The following RAB27B variants were observed in gnomAD, a reference collection of about 807,000 sequenced individuals.
RAB27B encodes the protein RAB27B, member RAS oncogene family.
In RAB27B, 15 loss-of-function variants were observed where a neutral mutation model predicts 24.6. That is an observed-to-expected ratio of 0.61 (90% CI 0.41 to 0.94). RAB27B has a LOEUF of 0.94. RAB27B is among the 40% of genes least tolerant of loss of function. The pLI is 0.00. For synonymous variants in RAB27B, 105 were observed against 92.5 expected, an observed-to-expected ratio of 1.14 and a Z score of -0.78; for missense variants, 261 against 266.8, an observed-to-expected ratio of 0.98 and a Z score of 0.15.
At chr18:54,751,053 G>C (rs1907814456) in intron 2 of RAB27B, among the ~76,000 whole-genome samples, 1 of 152,188 alleles carries the variant, frequency 6.6e-6, no homozygotes, top group Non-Finnish European at 1.5e-5. Context: ...TGAAGAGAAA[G>C]GACTTTATCC....
At chr18:54,733,650 G>GCT (rs777476661) in intron 2 of RAB27B, among the ~76,000 whole-genome samples, 969 of 92,298 alleles carry the variant, frequency 0.01, 56 homozygotes, top group Middle Eastern at 0.062. Context: ...CTGTTCTAGA[G>GCT]CCCCCCCCCC....
In RAB27B at chr18:54,860,776, G is replaced by A. The variant is rs568137836; in HGVS notation, c.-19-16791G>A. On this transcript the variant is annotated intron_variant, in intron 1 of 5. Transcript: ENST00000262094. ...AAGTCAGAGATTTTTATTTCTATAGGCATCTATGTAGGGTAGAAAGAGCCT... is the reference window on the plus strand; with the variant it reads ...AAGTCAGAGATTTTTATTTCTATAGACATCTATGTAGGGTAGAAAGAGCCT... Among the ~76,000 whole-genome samples, 3 of 152,304 alleles carry A rather than the reference G, an allele frequency of 2.0e-5. No homozygotes were observed. The South Asian group carries it at 6.2e-4, about 32-fold the overall frequency.
At chr18:54,805,783 T>G (rs1320599678) in intron 2 of RAB27B, among the ~76,000 whole-genome samples, 2 of 152,214 alleles carry the variant, frequency 1.3e-5, no homozygotes, top group Non-Finnish European at 2.9e-5. Flanking sequence ...GAAACTTAAG[T>G]TCCTACTTTG....
intron 2 of RAB27B, among the ~76,000 whole-genome samples, chr18:54,745,818 A>T (rs1051195139): frequency 6.8e-5 from 10 of 145,992 alleles, no homozygotes; most frequent in African/African-American, 1.3e-4. Flanking sequence ...TAAATATTAA[A>T]TATTTATATT....
intron 2 of RAB27B, among the ~76,000 whole-genome samples, chr18:54,735,390 A>G (rs1357926375): frequency 6.6e-6 from 1 of 152,190 alleles, no homozygotes; most frequent in Non-Finnish European, 1.5e-5. Flanking sequence ...TTCTGAGGCT[A>G]CCACACTGTA....
intron 1 of RAB27B, among the ~76,000 whole-genome samples, chr18:54,867,988 C>T (rs1197459958): frequency 6.6e-6 from 1 of 152,154 alleles, no homozygotes; most frequent in Non-Finnish European, 1.5e-5. Context: ...CCATCCAAAT[C>T]TCATGTTGAA....
intron 1 of RAB27B, among the ~76,000 whole-genome samples, chr18:54,833,950 G>C (rs1051569079): frequency 6.6e-6 from 1 of 152,182 alleles, no homozygotes; most frequent in African/African-American, 2.4e-5. Context: ...TGAAGATCAG[G>C]AAGTGCAGCA....
chr18:54,783,434 A>T (rs1908978656), intron 2 of RAB27B, among the ~76,000 whole-genome samples: 1 of 152,076 alleles, frequency 6.6e-6, no homozygotes, highest in African/African-American at 2.4e-5. Flanking sequence ...CTTAATTAGT[A>T]AATATTTTGC....
chr18:54,823,408 A>G (rs748085638), intron 2 of RAB27B, among the ~76,000 whole-genome samples: 1 of 145,490 alleles, frequency 6.9e-6, no homozygotes, highest in Non-Finnish European at 1.5e-5. Context: ...CTCGGATCTC[A>G]TCAGTGAGGG....
intron 2 of RAB27B, among the ~76,000 whole-genome samples, chr18:54,819,152 AATT>A (rs1910213202): frequency 6.8e-6 from 1 of 148,004 alleles, no homozygotes; most frequent in African/African-American, 2.5e-5. Flanking sequence ...TATTATAAAT[AATT>A]ATATATTAAC....
intron 1 of RAB27B, among the ~76,000 whole-genome samples, chr18:54,850,224 T>G (rs1443114843): frequency 2.0e-5 from 3 of 151,266 alleles, no homozygotes; most frequent in Non-Finnish European, 4.4e-5. Flanking sequence ...AATTTTATTC[T>G]AAATATAATT....
upstream of RAB27B, among the ~76,000 whole-genome samples, chr18:54,826,702 A>G (rs1295256525): frequency 6.6e-6 from 1 of 152,252 alleles, no homozygotes; most frequent in African/African-American, 2.4e-5. Context: ...AGTACAACAC[A>G]GTGACCACTG....
intron 1 of RAB27B, among the ~76,000 whole-genome samples, chr18:54,847,329 T>C (rs922555158): frequency 1.3e-5 from 2 of 152,194 alleles, no homozygotes; most frequent in African/African-American, 4.8e-5. Flanking sequence ...AGTTCTCTGG[T>C]AAACTGGAAG....
At position 54,850,333 on chromosome 18, in the gene RAB27B, GATATATATAT is replaced by G. The variant is rs35735191; in HGVS notation, c.-20+21651_-20+21660del. Among the ~76,000 whole-genome samples the G allele has an allele frequency of 1.4e-3, 130 of 95,172 alleles. 13 individuals are homozygous for G. In the South Asian group the frequency reaches 0.047, roughly 34 times the overall value. 62.4% of individuals were successfully genotyped at this position (95,172 alleles called of 152,430 possible). On this transcript the variant is annotated intron_variant, in intron 1 of 5. Coordinates refer to ENST00000262094, the MANE Select transcript of RAB27B (RefSeq NM_004163.4). ...TATTTATTTAAAAGCAAACAAACAG[GATATATATAT>G]ATATATATATATATATACATACATA...
chr18:54,783,856 G>C, intron 2 of RAB27B, among the ~76,000 whole-genome samples: 1 of 152,118 alleles, frequency 6.6e-6, no homozygotes, highest in East Asian at 1.9e-4. Context: ...CCTCAAGAGA[G>C]CAGCCAGACT....
chr18:54,787,193 T>C (rs1385699489), intron 2 of RAB27B, among the ~76,000 whole-genome samples: 4 of 152,220 alleles, frequency 2.6e-5, no homozygotes, highest in African/African-American at 9.6e-5. Flanking sequence ...GTTTCTTGCC[T>C]TGTAGAGGTA....
At chr18:54,733,650 G>GGC (rs1909794792) in intron 2 of RAB27B, among the ~76,000 whole-genome samples, 4 of 92,298 alleles carry the variant, frequency 4.3e-5, no homozygotes, top group Non-Finnish European at 4.5e-5. Flanking sequence ...CTGTTCTAGA[G>GGC]CCCCCCCCCC....
chr18:54,733,422 T>C (rs1365034999), intron 2 of RAB27B, among the ~76,000 whole-genome samples: 1 of 152,152 alleles, frequency 6.6e-6, no homozygotes, highest in Non-Finnish European at 1.5e-5. Flanking sequence ...TAATTAATCA[T>C]ACAGTTCTTA....
At chr18:54,775,459 A>G (rs942790534) in intron 2 of RAB27B, among the ~76,000 whole-genome samples, 5 of 152,184 alleles carry the variant, frequency 3.3e-5, no homozygotes, top group African/African-American at 1.2e-4. Context: ...CTGCTGCCTC[A>G]GGCTACAAAC....
Sources: allele counts gnomAD v4.1 joint callset (sites outside exome capture counted in the v4.1 genomes callset), GRCh38; gene constraint gnomAD v4.1.1; transcripts MANE v1.5; gene names NCBI Gene and HGNC (gene_info 2026-07-23, HGNC 2026-07-21).